The following DNAH9 variants were observed in gnomAD, a reference collection of about 807,000 sequenced individuals.
DNAH9 encodes DNAH9 variant protein.
In DNAH9, 345 loss-of-function variants were observed where a neutral mutation model predicts 471.6. The observed-to-expected ratio is 0.73, with a 90% CI of 0.67 to 0.80. The LOEUF (loss-of-function observed/expected upper bound fraction) is 0.80, where lower values mean the gene tolerates loss of function less well. Ranked by LOEUF, DNAH9 falls within the 30% of genes least tolerant of loss-of-function variation. The pLI, the probability that DNAH9 is intolerant of heterozygous loss-of-function variation, is 0.00. For missense variants in DNAH9, 5,407 were observed against 5,609.2 expected, an observed-to-expected ratio of 0.96 and a Z score of 1.15; for synonymous variants, 2,093 against 2,123.6, an observed-to-expected ratio of 0.99 and a Z score of 0.40.
At chr17:11,690,506 T>A in intron 20 of DNAH9, 70 bp downstream of exon 20, 1 of 1,412,674 alleles carries the variant, frequency 7.1e-7, no homozygotes. Flanking sequence ...ACCCAGTTCC[T>A]GCATTGTCTA....
intron 35 of DNAH9, among the ~76,000 whole-genome samples, chr17:11,758,444 A>G (rs1394274556): frequency 2.0e-5 from 3 of 152,202 alleles, no homozygotes; most frequent in Non-Finnish European, 2.9e-5. Flanking sequence ...GGAGGCAAGA[A>G]TGGGCCCCTG....
intron 14 of DNAH9, among the ~76,000 whole-genome samples, chr17:11,660,142 A>C: frequency 6.6e-6 from 1 of 151,880 alleles, no homozygotes; most frequent in Non-Finnish European, 1.5e-5. Flanking sequence ...AAGTTACTTT[A>C]GGGTTAGTTG....
At chr17:11,881,696 C>T (rs543562712) in intron 55 of DNAH9, among the ~76,000 whole-genome samples, 12 of 152,162 alleles carry the variant, frequency 7.9e-5, no homozygotes, top group Admixed American at 3.9e-4. Flanking sequence ...ATCATGAGGT[C>T]GGTAGTTCGA....
At chr17:11,811,931 A>G (rs1969918008) in intron 45 of DNAH9, among the ~76,000 whole-genome samples, 1 of 134,638 alleles carries the variant, frequency 7.4e-6, no homozygotes, top group African/African-American at 2.7e-5. Context: ...TACAGGTTGC[A>G]GTGAGCTGAG....
Position 11,669,638 on chromosome 17 carries a change from A to G in DNAH9, c.3197A>G (p.Glu1066Gly). 6.2e-7 allele frequency: 1 copy of G among 1,614,174 alleles called. No individual in the cohort carries two copies. The highest frequency in any genetic ancestry group is 2.2e-5 in the East Asian group (1 of 44,878). ...SQFKVQIDSY[E>G]TLYEEVCRLE... Reference sequence around the variant, plus strand: ...TTTAAAGTGCAAATCGACTCCTATGAAACGCTCTATGAAGAGGTGTGCAGG... The same window carrying G: ...TTTAAAGTGCAAATCGACTCCTATGGAACGCTCTATGAAGAGGTGTGCAGG... Residue 1066 changes from glutamate (E) to glycine (G), a missense_variant, in exon 17 of 69, where the codon GAA becomes GGA. Coordinates refer to ENST00000262442, the MANE Select transcript of DNAH9 (RefSeq NM_001372.4).
intron 49 of DNAH9, among the ~76,000 whole-genome samples, chr17:11,852,814 G>GTGTA (rs1169950713): frequency 1.7e-3 from 156 of 92,606 alleles, no homozygotes; most frequent in African/African-American, 3.7e-3. Flanking sequence ...GTGTGTGTGT[G>GTGTA]TATATATATA....
chr17:11,655,414 G>T (rs2073620406), intron 14 of DNAH9, among the ~76,000 whole-genome samples: 1 of 149,872 alleles, frequency 6.7e-6, no homozygotes. Flanking sequence ...AAAATTTAGA[G>T]AAAAAGATAA....
intron 48 of DNAH9, among the ~76,000 whole-genome samples, chr17:11,824,062 G>A (rs1489756721): frequency 6.6e-6 from 1 of 152,140 alleles, no homozygotes; most frequent in Non-Finnish European, 1.5e-5. Flanking sequence ...CTTGGGAGTT[G>A]GGGCCAACTC....
chr17:11,779,257 C>T (rs150929944), intron 38 of DNAH9, among the ~76,000 whole-genome samples: 3 of 152,166 alleles, frequency 2.0e-5, no homozygotes, highest in African/African-American at 4.8e-5. Context: ...AGAAGTGTGG[C>T]GAGAGGGTCA....
At chr17:11,704,582 C>T (rs1046925494) in intron 25 of DNAH9, 140 bp downstream of exon 25, 20 of 527,038 alleles carry the variant, frequency 3.8e-5, no homozygotes, top group Non-Finnish European at 5.4e-5. Context: ...GCTGCTCCTA[C>T]TTTTTTTTTT....
At chr17:11,924,836 C>A (rs1217683652) in intron 62 of DNAH9, among the ~76,000 whole-genome samples, 1 of 152,050 alleles carries the variant, frequency 6.6e-6, no homozygotes, top group East Asian at 1.9e-4. Context: ...GTTGGCCAGG[C>A]TTGTCTTGAA....
chr17:11,834,691 A>C lies in DNAH9; in HGVS notation c.9300A>C (p.Lys3100Asn). 1.2e-6 allele frequency: 2 copies of C among 1,614,116 alleles called. No homozygotes were observed. The highest frequency in any genetic ancestry group is 2.2e-5 in the South Asian group (2 of 91,046). ...CCCAGGAAGTAGAGCTGAAGCAGAAAAATGAAGATGCAGACAAACTGATTC... is the reference window on the plus strand; with the variant it reads ...CCCAGGAAGTAGAGCTGAAGCAGAACAATGAAGATGCAGACAAACTGATTC... ...LAAQEVELKQ[K>N]NEDADKLIQV... Residue 3100 changes from lysine to asparagine, a missense_variant, in exon 49 of 69, where the codon AAA (lysine) becomes AAC (asparagine). Lys to Asn is a moderately conservative substitution (Grantham distance 94). Transcript: ENST00000262442.
chr17:11,950,556 G>A (rs1170218795), intron 67 of DNAH9, among the ~76,000 whole-genome samples: 1 of 152,064 alleles, frequency 6.6e-6, no homozygotes, highest in Non-Finnish European at 1.5e-5. Flanking sequence ...TTTTTGTAGA[G>A]ATGGGGTCTC....
chr17:11,691,442 A>G (rs889264433), intron 20 of DNAH9, among the ~76,000 whole-genome samples: 2 of 152,228 alleles, frequency 1.3e-5, no homozygotes, highest in African/African-American at 4.8e-5. Flanking sequence ...AGTTAGTATC[A>G]TTAACCTCTA....
intron 26 of DNAH9, among the ~76,000 whole-genome samples, chr17:11,716,395 T>C (rs1481385456): frequency 1.3e-5 from 2 of 152,056 alleles, no homozygotes; most frequent in Non-Finnish European, 2.9e-5. Context: ...CTTTCTTTTT[T>C]GCGTTTTTTT....
chr17:11,618,827 T>G (rs886633323), intron 5 of DNAH9, among the ~76,000 whole-genome samples: 1 of 152,158 alleles, frequency 6.6e-6, no homozygotes. Context: ...TTTAAAGATG[T>G]GGGCTACTGT....
At position 11,640,404 on chromosome 17, in the gene DNAH9, A is replaced by G; in HGVS notation, c.1901+20A>G. Reference sequence around the variant, plus strand: ...ACACCCGTGAGTATTGTGTTCCTGAAAGACAGGCTTGTCTTGGGCTGCTGT... The same window carrying G: ...ACACCCGTGAGTATTGTGTTCCTGAGAGACAGGCTTGTCTTGGGCTGCTGT... On this transcript the variant is annotated intron_variant, in intron 10 of 68. Transcript: ENST00000262442. 6.6e-7 allele frequency: 1 copy of G among 1,508,806 alleles called. No individual in the cohort carries two copies. Among genetic ancestry groups the G allele is most frequent in the Non-Finnish European group, 9.2e-7 (1 of 1,084,362 alleles). The allele number at this position is 1,508,806 out of a possible 1,614,324, so 93.5% of individuals were successfully genotyped here.
chr17:11,630,623 A>G (rs2073049085), intron 7 of DNAH9: 1 of 152,182 alleles, frequency 6.6e-6, no homozygotes, highest in Admixed American at 6.5e-5. Context: ...TAGATGACGG[A>G]TTGGTAGTTG....
At chr17:11,855,571 G>T (rs1286339464) in intron 50 of DNAH9, among the ~76,000 whole-genome samples, 1 of 152,138 alleles carries the variant, frequency 6.6e-6, no homozygotes, top group Non-Finnish European at 1.5e-5. Context: ...AAGGAAAAAG[G>T]CCAATCTATA....
Sources: gnomAD v4.1 joint callset for allele counts (sites outside exome capture counted in the v4.1 genomes callset) on GRCh38, gnomAD v4.1.1 for gene constraint, MANE v1.5 for transcripts, NCBI Gene and HGNC (gene_info 2026-07-23, HGNC 2026-07-21) for gene names.